The following GLI3 variants were observed in gnomAD, a reference collection of about 807,000 sequenced individuals.
The protein encoded by GLI3 is transcription activator GLI3.
In GLI3, 20 loss-of-function variants were observed where a neutral mutation model predicts 100.8. The ratio of observed to expected loss-of-function variants is 0.20; its 90% CI spans 0.14 to 0.29. GLI3 has a LOEUF of 0.29. Ranked by LOEUF, GLI3 falls within the 10% of genes least tolerant of loss-of-function variation. The probability of loss-of-function intolerance (pLI) is 1.00; values close to 1 mark genes in which losing one functional copy is unlikely to be tolerated. For missense variants in GLI3, 2,040 were observed against 2,128.5 expected (o/e 0.96, Z 0.82); for synonymous variants, 938 against 860.5 (o/e 1.09, Z -1.58).
chr7:42,095,523 G>C (rs1216410354), intron 3 of GLI3, among the ~76,000 whole-genome samples: 1 of 152,190 alleles, frequency 6.6e-6, no homozygotes, highest in Non-Finnish European at 1.5e-5. Flanking sequence ...CAGTGGAAGG[G>C]AAATGAATGG....
intron 5 of GLI3, among the ~76,000 whole-genome samples, chr7:42,046,622 A>G (rs1784251032): frequency 6.6e-6 from 1 of 152,208 alleles, no homozygotes; most frequent in Admixed American, 6.5e-5. Flanking sequence ...GCAGATGATA[A>G]GAGTGCTTTC....
intron 2 of GLI3, among the ~76,000 whole-genome samples, chr7:42,155,459 A>T (rs1358637740): frequency 1.3e-5 from 2 of 151,582 alleles, no homozygotes; most frequent in Non-Finnish European, 2.9e-5. Context: ...AAAAAGAAAG[A>T]AAAAGAAAAT....
chr7:42,214,667 A>C (rs1413308105), intron 2 of GLI3, among the ~76,000 whole-genome samples: 2 of 137,032 alleles, frequency 1.5e-5, no homozygotes, highest in African/African-American at 3.0e-5. Flanking sequence ...AAAAAAAGAC[A>C]AAAAAAAAAT....
intron 5 of GLI3, among the ~76,000 whole-genome samples, chr7:42,046,502 T>C (rs762919576): frequency 6.6e-6 from 1 of 152,236 alleles, no homozygotes. Flanking sequence ...ATATTTATCA[T>C]GTTACTTTAT....
In GLI3 at chr7:42,223,197, G is replaced by T. The variant is rs1343459978; in HGVS notation, c.57C>A (p.Ser19=). 1 of 1,613,712 alleles carries T rather than the reference G, an allele frequency of 6.2e-7. No homozygotes were observed. The highest frequency in any genetic ancestry group is 8.5e-7 in the Non-Finnish European group (1 of 1,179,694). The change falls in exon 2 of 15, where the codon TCC becomes TCA. Residue 19 remains serine, a synonymous_variant. Transcript: ENST00000395925. ...CTGTTCGAGTGGAGCACTTCACTATGGAATTCTCAACTTTTTTCTTTTCAG... is the reference window on the plus strand; with the variant it reads ...CTGTTCGAGTGGAGCACTTCACTATTGAATTCTCAACTTTTTTCTTTTCAG... The part of the protein sequence containing the change: ...TTTEKKKVEN[S]IVKCSTRTDV...
intron 9 of GLI3, among the ~76,000 whole-genome samples, chr7:42,024,062 A>G (rs921810726): frequency 2.0e-5 from 3 of 152,170 alleles, no homozygotes; most frequent in African/African-American, 7.2e-5. Flanking sequence ...TTATTCTTAT[A>G]TTTTGTAATC....
intron 10 of GLI3, among the ~76,000 whole-genome samples, chr7:42,011,471 T>C (rs1047325466): frequency 2.0e-5 from 3 of 152,220 alleles, no homozygotes; most frequent in Non-Finnish European, 2.9e-5. Flanking sequence ...TGAATGTTCA[T>C]AGTAACACAA....
At chr7:42,031,330 T>C (rs141764796) in intron 7 of GLI3, among the ~76,000 whole-genome samples, 1 of 152,216 alleles carries the variant, frequency 6.6e-6, no homozygotes, top group Non-Finnish European at 1.5e-5. Context: ...TTAATCTATA[T>C]TTAGTCAATA....
intron 10 of GLI3, among the ~76,000 whole-genome samples, chr7:42,011,865 G>A (rs975699551): frequency 3.9e-5 from 6 of 152,228 alleles, no homozygotes; most frequent in African/African-American, 7.2e-5. Flanking sequence ...CACTGTGACT[G>A]CGCTCAATGC....
At chr7:42,224,392 A>G (rs955492034) in intron 1 of GLI3, among the ~76,000 whole-genome samples, 1 of 152,220 alleles carries the variant, frequency 6.6e-6, no homozygotes. Flanking sequence ...TTTTCAGTCT[A>G]CTTTAACACA....
At chr7:42,034,373 GT>G (rs1183933951) in intron 7 of GLI3, among the ~76,000 whole-genome samples, 1 of 152,122 alleles carries the variant, frequency 6.6e-6, no homozygotes, top group African/African-American at 2.4e-5. Flanking sequence ...CTTAACATCA[GT>G]TTCCTTATCT....
At chr7:42,048,087 G>A (rs1426906590) in intron 5 of GLI3, among the ~76,000 whole-genome samples, 1 of 152,184 alleles carries the variant, frequency 6.6e-6, no homozygotes, top group African/African-American at 2.4e-5. Flanking sequence ...TCATCAGAAG[G>A]TGAGTAAAAC....
intron 3 of GLI3, among the ~76,000 whole-genome samples, chr7:42,086,693 C>A (rs915559632): frequency 6.6e-6 from 1 of 152,082 alleles, no homozygotes. Context: ...AAACACCACC[C>A]CCTCCATCAG....
intron 1 of GLI3, chr7:42,227,667 G>A (rs1788608536): frequency 6.6e-6 from 1 of 152,062 alleles, no homozygotes; most frequent in Non-Finnish European, 1.5e-5. Flanking sequence ...ACGCTGTAGT[G>A]CACGTCTGCA....
At position 42,203,282 on chromosome 7, in the gene GLI3, A is replaced by G. The variant is rs572538794; in HGVS notation, c.124+19848T>C. Among the ~76,000 whole-genome samples the G allele has an allele frequency of 2.0e-5, 3 of 152,306 alleles. No homozygotes were observed. In the East Asian group the frequency reaches 5.8e-4, roughly 29 times the overall value. On this transcript the variant is annotated intron_variant, in intron 2 of 14. Transcript: ENST00000395925. ...ACTCTCAGCATTTTTCAAGAATACA[A>G]TGTAGGGTCATTAACTATAGTTACC... is the stretch of plus-strand genomic sequence containing the variant.
At chr7:41,968,008 A>G (rs1459592569) in intron 13 of GLI3, 85 bp from the exon 14 acceptor site, 1 of 1,003,780 alleles carries the variant, frequency 1.0e-6, no homozygotes, top group East Asian at 2.4e-5. Flanking sequence ...ATGCATATCG[A>G]GATCTTCAAG....
chr7:42,112,989 A>G (rs1042001418), intron 3 of GLI3, among the ~76,000 whole-genome samples: 2 of 152,190 alleles, frequency 1.3e-5, no homozygotes, highest in African/African-American at 2.4e-5. Context: ...CCTGGCCAAC[A>G]TGGTGAAACC....
At chr7:42,119,574 A>G (rs750273162) in intron 3 of GLI3, among the ~76,000 whole-genome samples, 7 of 152,206 alleles carry the variant, frequency 4.6e-5, no homozygotes, top group Non-Finnish European at 1.0e-4. Flanking sequence ...CCTTCCCTGC[A>G]TTAAAGAGCA....
At chr7:42,140,960 C>T (rs1022897190) in intron 3 of GLI3, among the ~76,000 whole-genome samples, 10 of 151,842 alleles carry the variant, frequency 6.6e-5, no homozygotes, top group Non-Finnish European at 8.8e-5. Context: ...AGGGAAAGGA[C>T]GGAGGGAAAG....
Sources: gnomAD v4.1 joint callset for allele counts (sites outside exome capture counted in the v4.1 genomes callset) on GRCh38, gnomAD v4.1.1 for gene constraint, MANE v1.5 for transcripts, NCBI Gene and HGNC (gene_info 2026-07-23, HGNC 2026-07-21) for gene names.